Variants in AKR1C3 observed in about 807,000 individuals in gnomAD.
AKR1C3 encodes 3-alpha hydroxysteroid dehydrogenase, type II.
In AKR1C3, 48 loss-of-function variants were observed where a neutral mutation model predicts 43.6. The observed-to-expected ratio is 1.10, with a 90% CI of 0.87 to 1.40. The LOEUF is 1.40. Ranked by LOEUF, AKR1C3 falls within the 40% of genes most tolerant of loss-of-function variation. The pLI, the probability that AKR1C3 is intolerant of heterozygous loss-of-function variation, is 0.00. For missense variants in AKR1C3, 482 were observed against 391.2 expected (o/e 1.23, Z -1.96); for synonymous variants, 162 against 139.6 (o/e 1.16, Z -1.13).
At chr10:5,066,963 C>A (rs1325416213) in intron 1 of AKR1C3, among the ~76,000 whole-genome samples, 10 of 152,194 alleles carry the variant, frequency 6.6e-5, no homozygotes, top group African/African-American at 2.4e-4. Flanking sequence ...AAATGATGCC[C>A]TTCTAAAAGA....
chr10:5,099,579 G>A, intron 5 of AKR1C3, 130 bp downstream of exon 5: 1 of 1,477,104 alleles, frequency 6.8e-7, no homozygotes, highest in Non-Finnish European at 9.1e-7. Context: ...CAAAGCTTCT[G>A]TCAAGAAAGG....
At chr10:5,100,805 A>G (rs1839330435) in intron 5 of AKR1C3, among the ~76,000 whole-genome samples, 2 of 152,206 alleles carry the variant, frequency 1.3e-5, no homozygotes, top group Admixed American at 1.3e-4. Flanking sequence ...CTTTCAGAAA[A>G]TTTGATAAAA....
chr10:5,062,209 T>C (rs151261969), intron 1 of AKR1C3, among the ~76,000 whole-genome samples: 1 of 152,322 alleles, frequency 6.6e-6, no homozygotes, highest in East Asian at 1.9e-4. Context: ...CAACTGTTCT[T>C]ACTCTGGCGG....
intron 7 of AKR1C3, among the ~76,000 whole-genome samples, chr10:5,103,930 TGATA>T (rs782388897): frequency 5.9e-5 from 9 of 152,028 alleles, no homozygotes; most frequent in Non-Finnish European, 1.2e-4. Context: ...TTAATATATA[TGATA>T]GATTGATATA....
chr10:5,099,779 T>A, intron 5 of AKR1C3: 1 of 305,508 alleles, frequency 3.3e-6, no homozygotes, highest in East Asian at 7.0e-5. Context: ...AGTGCATGGG[T>A]GAAGGTGATT....
intron 1 of AKR1C3, among the ~76,000 whole-genome samples, chr10:5,066,491 C>T (rs141192807): frequency 3.9e-5 from 6 of 152,200 alleles, no homozygotes; most frequent in South Asian, 2.1e-4. Context: ...TTATTCCAGT[C>T]GAAGAGAGAC....
At chr10:5,101,747 A>G (rs1030298265) in intron 5 of AKR1C3, among the ~76,000 whole-genome samples, 16 of 152,172 alleles carry the variant, frequency 1.1e-4, no homozygotes, top group Non-Finnish European at 1.8e-4. Context: ...ACTTGCACTC[A>G]CGAGTCCTTG....
chr10:5,077,962 G>T, intron 1 of AKR1C3: 1 of 675,734 alleles, frequency 1.5e-6, no homozygotes, highest in Non-Finnish European at 2.7e-6. Flanking sequence ...GTTCAAGAAG[G>T]ATGCAAATAT....
At chr10:5,084,106 C>T (rs1217056400) in intron 1 of AKR1C3, among the ~76,000 whole-genome samples, 5 of 152,198 alleles carry the variant, frequency 3.3e-5, no homozygotes, top group African/African-American at 1.2e-4. Context: ...TCAATTTTGG[C>T]TTCTGTTGCC....
At chr10:5,097,769 G>A in intron 3 of AKR1C3, 3 of 1,302,172 alleles carry the variant, frequency 2.3e-6, no homozygotes, top group Middle Eastern at 3.0e-4. Flanking sequence ...CAACCTCAAA[G>A]CCTCTTCCTC....
intron 1 of AKR1C3, among the ~76,000 whole-genome samples, chr10:5,086,725 G>A (rs1207014622): frequency 1.3e-5 from 2 of 152,138 alleles, no homozygotes; most frequent in Admixed American, 6.5e-5. Flanking sequence ...CTCTTTGTAG[G>A]TCACTAAGGA....
At chr10:5,049,585 G>A (rs1298971340) in intron 1 of AKR1C3, among the ~76,000 whole-genome samples, 2 of 152,218 alleles carry the variant, frequency 1.3e-5, no homozygotes, top group African/African-American at 4.8e-5. Flanking sequence ...TGACACAAAT[G>A]TGAGCAAAAT....
chr10:5,099,159 C>G (rs1564369966), intron 4 of AKR1C3, among the ~76,000 whole-genome samples, 168 bp from the exon 5 acceptor site: 2 of 152,192 alleles, frequency 1.3e-5, no homozygotes, highest in Non-Finnish European at 2.9e-5. Flanking sequence ...CTTGCTGCCT[C>G]TATCTTCTTC....
intron 1 of AKR1C3, chr10:5,081,625 C>T (rs1299893625): frequency 1.3e-5 from 2 of 152,206 alleles, no homozygotes; most frequent in African/African-American, 4.8e-5. Context: ...ATAAAGCCAA[C>T]CAACTAAGCA....
intron 1 of AKR1C3, among the ~76,000 whole-genome samples, chr10:5,052,199 C>T (rs782408607): frequency 9.2e-5 from 14 of 152,058 alleles, no homozygotes; most frequent in Non-Finnish European, 1.2e-4. Context: ...TAAGGTGGCA[C>T]GTCTGGAGTT....
chr10:5,094,403 G>C, upstream of AKR1C3: 1 of 1,604,858 alleles, frequency 6.2e-7, no homozygotes, highest in East Asian at 2.3e-5. Flanking sequence ...TCTCTGAGGA[G>C]AAGCAGCAGC....
chr10:5,105,766 A>C (rs2131854186), intron 8 of AKR1C3, 89 bp downstream of exon 8: 3 of 978,616 alleles, frequency 3.1e-6, no homozygotes, highest in East Asian at 5.2e-5. Context: ...TACCAGAGGG[A>C]CAGAGGCCAA....
chr10:5,082,323 G>T (rs1387018790), intron 1 of AKR1C3, among the ~76,000 whole-genome samples: 2 of 152,096 alleles, frequency 1.3e-5, no homozygotes, highest in Non-Finnish European at 2.9e-5. Context: ...CCAATTTTGT[G>T]TTGAATAGGA....
chr10:5,092,203 T>G (rs568847300), upstream of AKR1C3, among the ~76,000 whole-genome samples: 45 of 152,240 alleles, frequency 3.0e-4, no homozygotes, highest in South Asian at 9.3e-3. Context: ...ATGTTTCTCC[T>G]GCTGCTTTTA....
Sources: allele counts gnomAD v4.1 joint callset (sites outside exome capture counted in the v4.1 genomes callset), GRCh38; gene constraint gnomAD v4.1.1; transcripts MANE v1.5; gene names NCBI Gene and HGNC (gene_info 2026-07-23, HGNC 2026-07-21).